The following MAGI1 variants were observed in gnomAD, a reference collection of about 807,000 sequenced individuals.
MAGI1 encodes the protein membrane associated guanylate kinase, WW and PDZ domain containing 1.
Under a neutral mutation model 139.9 loss-of-function variants are expected in MAGI1, and 58 were observed. That is an observed-to-expected ratio of 0.41 (90% confidence interval 0.34 to 0.52). MAGI1 has a LOEUF of 0.52. MAGI1 is among the 20% of genes least tolerant of loss of function. MAGI1 has a pLI of 0.12. For synonymous variants in MAGI1, 812 were observed against 737.9 expected (o/e 1.10, Z -1.63); for missense variants, 1,874 against 1,901.6 (o/e 0.99, Z 0.27).
At chr3:65,765,578 C>G (rs956948047) in intron 1 of MAGI1, among the ~76,000 whole-genome samples, 1 of 152,104 alleles carries the variant, frequency 6.6e-6, no homozygotes, top group African/African-American at 2.4e-5. Context: ...CAACCTAATA[C>G]CAGATACATG....
chr3:65,981,168 A>G lies in MAGI1; in HGVS notation c.313+56828T>C, dbSNP rs1447448014. On this transcript the variant is annotated intron_variant, in intron 1 of 22. Coordinates refer to ENST00000402939, the MANE Select transcript of MAGI1 (RefSeq NM_001033057.2). Reference sequence around the variant, plus strand: ...CTCCATCTCAAAAAAAAAAAAAAAGAAAAGGAAAGAAAAGAAATTTAATTT... The same window carrying G: ...CTCCATCTCAAAAAAAAAAAAAAAGGAAAGGAAAGAAAAGAAATTTAATTT... 6.1e-5 allele frequency among the ~76,000 whole-genome samples: 9 copies of G among 148,062 alleles called. No individual in the cohort carries two copies. In the East Asian group the frequency reaches 1.4e-3, roughly 23 times the overall value.
At chr3:65,720,432 G>A (rs995667204) in intron 1 of MAGI1, among the ~76,000 whole-genome samples, 5 of 152,098 alleles carry the variant, frequency 3.3e-5, no homozygotes, top group Non-Finnish European at 5.9e-5. Flanking sequence ...TGAGTGCTAC[G>A]TTCTCTCTTA....
intron 1 of MAGI1, among the ~76,000 whole-genome samples, chr3:65,964,615 T>C (rs1223783082): frequency 1.3e-5 from 2 of 152,196 alleles, no homozygotes; most frequent in Admixed American, 6.5e-5. Context: ...GGTGAGTATG[T>C]GGTTCTCTTT....
chr3:65,424,134 T>A (rs1946832656), intron 12 of MAGI1, among the ~76,000 whole-genome samples: 1 of 152,206 alleles, frequency 6.6e-6, no homozygotes, highest in Non-Finnish European at 1.5e-5. Flanking sequence ...TGTATGTATG[T>A]GTATTGCATG....
intron 1 of MAGI1, among the ~76,000 whole-genome samples, chr3:65,761,385 T>C (rs1428250794): frequency 6.6e-6 from 1 of 152,146 alleles, no homozygotes; most frequent in Non-Finnish European, 1.5e-5. Flanking sequence ...CTGTTAGACA[T>C]TTTTATAAAG....
intron 1 of MAGI1, chr3:65,902,486 T>C (rs980106366): frequency 2.3e-4 from 35 of 152,628 alleles, no homozygotes; most frequent in African/African-American, 7.7e-4. Context: ...GTATGTAAAG[T>C]AAGCTCCTAC....
intron 1 of MAGI1, among the ~76,000 whole-genome samples, chr3:65,839,716 A>G (rs2058741762): frequency 6.6e-6 from 1 of 152,232 alleles, no homozygotes; most frequent in Middle Eastern, 3.2e-3. Context: ...CACGACATTG[A>G]AAGCATGATC....
intron 5 of MAGI1, among the ~76,000 whole-genome samples, chr3:65,464,985 T>TTA (rs149677255): frequency 3.3e-3 from 481 of 146,218 alleles, no homozygotes; most frequent in African/African-American, 4.1e-3. Context: ...TGCACACATT[T>TTA]TATATATATA....
At chr3:65,438,552 AC>A (rs1487498949) in intron 9 of MAGI1, among the ~76,000 whole-genome samples, 6 of 152,196 alleles carry the variant, frequency 3.9e-5, no homozygotes, top group Admixed American at 1.3e-4. Context: ...TAGAAAAGAG[AC>A]TAAGGTAGAT....
At position 65,905,547 on chromosome 3, in the gene MAGI1, G is replaced by A. The variant is rs116875864; in HGVS notation, c.313+132449C>T. 4.6e-4 allele frequency among the ~76,000 whole-genome samples: 70 copies of A among 151,088 alleles called. No homozygotes were observed. In the East Asian group the frequency reaches 0.01, roughly 23 times the overall value. On this transcript the variant is annotated intron_variant, in intron 1 of 22. Transcript: ENST00000402939. ...TTTAGAGACAGGGTCTCACTCTGTC[G>A]CCCACATCAGTCTTGAACTCCTGGG...
At chr3:65,949,659 G>A (rs1231611043) in intron 1 of MAGI1, among the ~76,000 whole-genome samples, 1 of 152,142 alleles carries the variant, frequency 6.6e-6, no homozygotes, top group African/African-American at 2.4e-5. Context: ...GTGCTACATG[G>A]GGAGAGTCTA....
intron 1 of MAGI1, among the ~76,000 whole-genome samples, chr3:65,625,355 T>G (rs2083915634): frequency 6.6e-6 from 1 of 152,176 alleles, no homozygotes; most frequent in Non-Finnish European, 1.5e-5. Flanking sequence ...TGTGAGTCAA[T>G]GTTCAGGTTG....
In MAGI1 at chr3:65,762,698, C is replaced by T. The variant is rs927060393; in HGVS notation, c.314-140610G>A. ...TATAGGTTAGGCACTCTGCTAAGTC[C>T]TCTACATGATTTTCTCATTGAATTC... On this transcript the variant is annotated intron_variant, in intron 1 of 22. Coordinates refer to ENST00000402939, the MANE Select transcript of MAGI1 (RefSeq NM_001033057.2). 2.4e-4 allele frequency among the ~76,000 whole-genome samples: 33 copies of T among 136,316 alleles called. No individual in the cohort carries two copies. In the Admixed American group the frequency reaches 2.6e-3, roughly 11 times the overall value. The allele number at this position is 136,316 out of a possible 152,430, so 89.4% of individuals were successfully genotyped here.
chr3:65,954,916 C>A (rs915429852), intron 1 of MAGI1, among the ~76,000 whole-genome samples: 1 of 152,108 alleles, frequency 6.6e-6, no homozygotes, highest in African/African-American at 2.4e-5. Context: ...CTGAACATAA[C>A]CCTCATAACA....
At chr3:65,777,593 T>A (rs2038555753) in intron 1 of MAGI1, among the ~76,000 whole-genome samples, 1 of 147,200 alleles carries the variant, frequency 6.8e-6, no homozygotes, top group Non-Finnish European at 1.5e-5. Flanking sequence ...GAGCCATGAT[T>A]GTTGTGCCAC....
At chr3:65,499,794 A>C (rs2107694153) in intron 2 of MAGI1, among the ~76,000 whole-genome samples, 1 of 152,344 alleles carries the variant, frequency 6.6e-6, no homozygotes, top group African/African-American at 2.4e-5. Context: ...GAGTTCACAT[A>C]GTTAAATGGG....
At chr3:65,895,929 T>C (rs2060020) in intron 1 of MAGI1, among the ~76,000 whole-genome samples, 78,011 of 151,766 alleles carry the variant, frequency 0.51, 20,112 homozygotes, top group South Asian at 0.69. Flanking sequence ...AGCAGATAGA[T>C]ACCCAGGTTG....
chr3:65,903,943 G>A (rs1205902155), intron 1 of MAGI1, among the ~76,000 whole-genome samples: 3 of 152,018 alleles, frequency 2.0e-5, no homozygotes, highest in Non-Finnish European at 2.9e-5. Flanking sequence ...AGAAGGTGGA[G>A]GTTGCAGTGA....
At chr3:65,399,648 T>C (rs1575611406) in intron 13 of MAGI1, among the ~76,000 whole-genome samples, 1 of 152,154 alleles carries the variant, frequency 6.6e-6, no homozygotes, top group Non-Finnish European at 1.5e-5. Context: ...GCTTCTTTCT[T>C]AGGAATGCAG....
Sources: allele counts gnomAD v4.1 joint callset (sites outside exome capture counted in the v4.1 genomes callset), GRCh38; gene constraint gnomAD v4.1.1; transcripts MANE v1.5; gene names NCBI Gene and HGNC (gene_info 2026-07-23, HGNC 2026-07-21).